The following ABHD5 variants were observed in gnomAD, a reference collection of about 807,000 sequenced individuals.
ABHD5 encodes abhydrolase domain containing 5, lysophosphatidic acid acyltransferase.
Under a neutral mutation model 44.9 loss-of-function variants are expected in ABHD5, and 30 were observed. The ratio of observed to expected loss-of-function variants is 0.67; its 90% CI spans 0.50 to 0.91. ABHD5 has a LOEUF of 0.91. Ranked by LOEUF, ABHD5 falls within the 40% of genes least tolerant of loss-of-function variation. The pLI, the probability that ABHD5 is intolerant of heterozygous loss-of-function variation, is 0.00. For synonymous variants in ABHD5, 167 were observed against 147.0 expected (o/e 1.14, Z -0.99); for missense variants, 399 against 423.4 (o/e 0.94, Z 0.50).
chr3:43,691,024 C>G lies in ABHD5; in HGVS notation c.32C>G (p.Ala11Gly), dbSNP rs369657976. ...GCGGAGGAGGAGGAGGTGGACTCTGCCGACACCGGAGAGAGGTAAGCGCAG... is the reference window on the plus strand; with the variant it reads ...GCGGAGGAGGAGGAGGTGGACTCTGGCGACACCGGAGAGAGGTAAGCGCAG... MAAEEEEVDSADTGERSGWLT... is the reference protein window; with the variant it reads MAAEEEEVDSGDTGERSGWLT... Residue 11 changes from alanine to glycine, a missense_variant, in exon 1 of 7, where the codon GCC (alanine) becomes GGC (glycine). Physicochemically the swap from Ala to Gly is moderately conservative, Grantham distance 60. Coordinates refer to ENST00000644371, the MANE Select transcript of ABHD5 (RefSeq NM_016006.6). 6.4e-6 allele frequency: 10 copies of G among 1,562,386 alleles called. No homozygotes were observed. Among genetic ancestry groups the G allele is most frequent in the African/African-American group, 2.8e-5 (2 of 70,512 alleles).
chr3:43,706,292 T>C (rs1441753366), intron 3 of ABHD5, among the ~76,000 whole-genome samples: 1 of 152,202 alleles, frequency 6.6e-6, no homozygotes, highest in Non-Finnish European at 1.5e-5. Flanking sequence ...TATTATGCTG[T>C]CATGATATTC....
At position 43,705,570 on chromosome 3, in the gene ABHD5, TAAAA is replaced by T. The variant is rs2084608096; in HGVS notation, c.506+2984_506+2987del. ...TTAGAAGTGTGTTAAATCTACTAAA[TAAAA>T]GTAAAATTTTATAGTTTACTTTTTC... On this transcript the variant is annotated intron_variant, in intron 3 of 6. Coordinates refer to ENST00000644371, the MANE Select transcript of ABHD5 (RefSeq NM_016006.6). 2.0e-5 allele frequency among the ~76,000 whole-genome samples: 3 copies of T among 152,354 alleles called. No individual in the cohort carries two copies. The East Asian group carries it at 5.8e-4, about 29-fold the overall frequency.
intron 7 of ABHD5, among the ~76,000 whole-genome samples, chr3:43,733,401 G>A (rs1697276014): frequency 6.6e-6 from 1 of 152,222 alleles, no homozygotes; most frequent in African/African-American, 2.4e-5. Flanking sequence ...TTTGTTGAAT[G>A]AACATGAATT....
intron 3 of ABHD5, among the ~76,000 whole-genome samples, chr3:43,705,159 AC>A (rs1172435106): frequency 1.3e-5 from 2 of 152,172 alleles, no homozygotes; most frequent in Non-Finnish European, 2.9e-5. Flanking sequence ...AGCTAAGTTC[AC>A]CTTTTAGCTA....
At chr3:43,691,535 C>T (rs2084385334) in intron 1 of ABHD5, 1 of 152,436 alleles carries the variant, frequency 6.6e-6, no homozygotes, top group Non-Finnish European at 1.5e-5. Context: ...TGTCCAGCCT[C>T]AGCCACTGGA....
At chr3:43,717,916 C>T (rs998949045) in intron 6 of ABHD5, 59 bp downstream of exon 6, 3 of 1,605,862 alleles carry the variant, frequency 1.9e-6, no homozygotes, top group African/African-American at 2.7e-5. Context: ...TTATTATCTC[C>T]CTTAAAAGAG....
downstream of ABHD5, among the ~76,000 whole-genome samples, chr3:43,725,165 G>C (rs915828955): frequency 6.6e-6 from 1 of 152,044 alleles, no homozygotes; most frequent in Non-Finnish European, 1.5e-5. Flanking sequence ...AAGAAACACA[G>C]CCCCAATACA....
chr3:43,718,124 T>C (rs1182807796), intron 6 of ABHD5, among the ~76,000 whole-genome samples: 1 of 152,198 alleles, frequency 6.6e-6, no homozygotes, highest in Non-Finnish European at 1.5e-5. Context: ...ATTGGTCCAG[T>C]AGCACTTCAA....
At chr3:43,723,233 G>A (rs1257389460), downstream of ABHD5, among the ~76,000 whole-genome samples, 1 of 152,068 alleles carries the variant, frequency 6.6e-6, no homozygotes, top group African/African-American at 2.4e-5. Flanking sequence ...AGGTTACTAG[G>A]GCACCAATTC....
At chr3:43,711,094 T>C (rs2084683701) in intron 3 of ABHD5, among the ~76,000 whole-genome samples, 2 of 152,244 alleles carry the variant, frequency 1.3e-5, no homozygotes, top group Non-Finnish European at 2.9e-5. Flanking sequence ...ATAAGGTAGA[T>C]AGACTTGTTC....
In ABHD5 at chr3:43,711,800, G is replaced by A. The variant is rs752653222; in HGVS notation, c.598G>A (p.Ala200Thr). Residue 200 changes from alanine to threonine, a missense_variant, in exon 4 of 7, where the codon GCC (alanine) becomes ACC (threonine). Transcript: ENST00000644371. Reference protein sequence around the residue: ...QDRPIPVWIRALGAALTPFNP... With the variant: ...QDRPIPVWIRTLGAALTPFNP... ...CAGACCAATTCCAGTTTGGATCAGAGCCTTGGGAGCAGCATTGACTCCCTT... is the reference window on the plus strand; with the variant it reads ...CAGACCAATTCCAGTTTGGATCAGAACCTTGGGAGCAGCATTGACTCCCTT... The A allele has an allele frequency of 2.8e-5, 45 of 1,614,094 alleles. No individual in the cohort carries two copies. The South Asian group carries it at 4.8e-4, about 17-fold the overall frequency.
upstream of ABHD5, chr3:43,690,927 C>A: frequency 1.3e-6 from 2 of 1,510,220 alleles, no homozygotes; most frequent in Non-Finnish European, 1.8e-6. Context: ...CGCGCCAGCC[C>A]GGGGCGGCCC....
At chr3:43,731,935 G>T (rs907237220) in intron 7 of ABHD5, among the ~76,000 whole-genome samples, 1 of 152,052 alleles carries the variant, frequency 6.6e-6, no homozygotes, top group Non-Finnish European at 1.5e-5. Flanking sequence ...TGAATGCAGC[G>T]CCCCATGCAG....
chr3:43,718,003 A>T, intron 6 of ABHD5, 146 bp downstream of exon 6: 1 of 1,020,610 alleles, frequency 9.8e-7, no homozygotes, highest in Non-Finnish European at 1.5e-6. Flanking sequence ...ACCACCTGTG[A>T]TGGGTGCAGG....
In ABHD5 at chr3:43,701,077, T is replaced by G. The variant is rs369897082; in HGVS notation, c.134-1138T>G. Among the ~76,000 whole-genome samples the G allele has an allele frequency of 1.4e-3, 217 of 152,286 alleles. 3 individuals are homozygous for G. Among genetic ancestry groups the G allele is most frequent in the African/African-American group, 5.0e-3 (207 of 41,544 alleles). On this transcript the variant is annotated intron_variant, in intron 2 of 6. Coordinates refer to ENST00000644371, the MANE Select transcript of ABHD5 (RefSeq NM_016006.6). ...TTCCTTTTGGTTCTAGGGATGCAAA[T>G]AGGAATGTGAATTGGTCTCTGCTTT...
In ABHD5 at chr3:43,721,397, A is replaced by T. The variant is rs1487855770; in HGVS notation, c.*2865A>T. 6.6e-6 allele frequency: 1 copy of T among 152,072 alleles called. No homozygotes were observed. Among genetic ancestry groups the T allele is most frequent in the Non-Finnish European group, 1.5e-5 (1 of 68,012 alleles). The allele number at this position is 152,072 out of a possible 1,614,324, so 9.4% of individuals were successfully genotyped here. A position where few individuals can be genotyped will look rare whatever the true frequency, so the allele number is the denominator to read the frequency against. On this transcript the variant is annotated 3_prime_UTR_variant, in exon 7 of 7. Transcript: ENST00000644371. ...TGACAGTGAGAAAAACTTTCCTAGGACTGAAAATTCAGAAGCAATAAAAAG... is the reference window on the plus strand; with the variant it reads ...TGACAGTGAGAAAAACTTTCCTAGGTCTGAAAATTCAGAAGCAATAAAAAG...
chr3:43,703,428 C>G (rs1488719144), intron 3 of ABHD5, among the ~76,000 whole-genome samples: 2 of 152,144 alleles, frequency 1.3e-5, no homozygotes, highest in African/African-American at 2.4e-5. Flanking sequence ...ATCCACCCCC[C>G]TCGGCCTCCC....
intron 3 of ABHD5, among the ~76,000 whole-genome samples, chr3:43,708,078 A>T (rs760494587): frequency 6.6e-6 from 1 of 152,204 alleles, no homozygotes; most frequent in Non-Finnish European, 1.5e-5. Flanking sequence ...TTTGCCCTTA[A>T]GGATGTACTC....
In ABHD5 at chr3:43,715,059, G is replaced by C. The variant is rs2084744963; in HGVS notation, c.773+1G>C. ...ACCACTGTAATGTGCAGACTCCAAG[G>C]TGAGGGTTAGGATTCTCAATTCACT... On this transcript the variant is annotated splice_donor_variant, in intron 5 of 6. Transcript: ENST00000644371. LOFTEE classifies it high-confidence loss of function. The C allele has an allele frequency of 6.2e-7, 1 of 1,601,586 alleles. No individual in the cohort carries two copies. Among genetic ancestry groups the C allele is most frequent in the Non-Finnish European group, 8.5e-7 (1 of 1,169,972 alleles).
Sources: allele counts gnomAD v4.1 joint callset (sites outside exome capture counted in the v4.1 genomes callset), GRCh38; gene constraint gnomAD v4.1.1; transcripts MANE v1.5; gene names NCBI Gene and HGNC (gene_info 2026-07-23, HGNC 2026-07-21).